C12orf42: variants seen among roughly 807,000 people sequenced by gnomAD.
The protein encoded by C12orf42 is chromosome 12 open reading frame 42.
Under a neutral mutation model 21.6 loss-of-function variants are expected in C12orf42, and 25 were observed. The observed-to-expected ratio is 1.16, with a 90% CI of 0.84 to 1.62. The LOEUF is 1.62. Ranked by LOEUF, C12orf42 falls within the 40% of genes most tolerant of loss-of-function variation. C12orf42 has a pLI of 0.00. For missense variants in C12orf42, 483 were observed against 459.3 expected, an observed-to-expected ratio of 1.05 and a Z score of -0.47; for synonymous variants, 174 against 175.0, an observed-to-expected ratio of 0.99 and a Z score of 0.05.
At chr12:103,271,523 T>A (rs974970374) in intron 5 of C12orf42, among the ~76,000 whole-genome samples, 1 of 152,192 alleles carries the variant, frequency 6.6e-6, no homozygotes, top group Non-Finnish European at 1.5e-5. Flanking sequence ...TATTCCCTTT[T>A]AGCCTTAGTT....
intron 4 of C12orf42, among the ~76,000 whole-genome samples, chr12:103,295,145 A>C (rs1319160676): frequency 3.3e-5 from 5 of 152,112 alleles, no homozygotes; most frequent in Non-Finnish European, 7.4e-5. Context: ...AAAGGGTTGG[A>C]GCATTCTTCT....
At position 103,294,583 on chromosome 12, in the gene C12orf42, G is replaced by GGAAAGAAAGAAAGAAA. The variant is rs60577440; in HGVS notation, n.338-17389_338-17374dup. Among the ~76,000 whole-genome samples, 459 of 80,346 alleles carry GGAAAGAAAGAAAGAAA rather than the reference G, an allele frequency of 5.7e-3. 1 individual carries two copies. The highest frequency in any genetic ancestry group is 6.6e-3 in the Non-Finnish European group (272 of 41,194). 52.7% of individuals were successfully genotyped at this position (80,346 alleles called of 152,430 possible). A position where few individuals can be genotyped will look rare whatever the true frequency, so the allele number is the denominator to read the frequency against. ...AAAGAAAAAGAAAGGAAGGAAGGAAGGAAAGAAAGAAAGAAAGAAAGAAAG... is the reference window on the plus strand; with the variant it reads ...AAAGAAAAAGAAAGGAAGGAAGGAAGGAAAGAAAGAAAGAAAGAAAGAAAGAAAGAAAGAAAGAAAG... On this transcript the variant is annotated intron_variant and non_coding_transcript_variant, in intron 4 of 6. Transcript: ENST00000546526.
intron 2 of C12orf42, among the ~76,000 whole-genome samples, chr12:103,469,614 C>T (rs1953429019): frequency 1.3e-5 from 2 of 152,172 alleles, no homozygotes; most frequent in African/African-American, 4.8e-5. Flanking sequence ...CTATAAATAA[C>T]ATAGCAGTGA....
the C12orf42 span, among the ~76,000 whole-genome samples, chr12:103,102,589 A>T: frequency 6.6e-6 from 1 of 152,238 alleles, no homozygotes; most frequent in African/African-American, 2.4e-5. Flanking sequence ...GAAACTAAAA[A>T]CTATAGCTTC....
chr12:103,461,011 T>C (rs1214986803), intron 2 of C12orf42, among the ~76,000 whole-genome samples: 1 of 152,168 alleles, frequency 6.6e-6, no homozygotes, highest in African/African-American at 2.4e-5. Flanking sequence ...CTTAATAGCA[T>C]TCAGTTGATT....
the C12orf42 span, among the ~76,000 whole-genome samples, chr12:103,526,952 G>T: frequency 6.6e-6 from 1 of 152,152 alleles, no homozygotes. Flanking sequence ...CAAAACTTGT[G>T]CTTTCTTCAT....
At chr12:103,070,305 A>G in the C12orf42 span, among the ~76,000 whole-genome samples, 1 of 152,116 alleles carries the variant, frequency 6.6e-6, no homozygotes, top group African/African-American at 2.4e-5. Context: ...TGAGTTTGGT[A>G]AAAGCTCTAT....
the C12orf42 span, among the ~76,000 whole-genome samples, chr12:103,109,355 G>A: frequency 6.6e-5 from 10 of 152,096 alleles, no homozygotes; most frequent in East Asian, 7.7e-4. Context: ...ACGGGTGTGC[G>A]TGTGTGTGTC....
chr12:103,172,783 T>C, the C12orf42 span, among the ~76,000 whole-genome samples: 1 of 152,180 alleles, frequency 6.6e-6, no homozygotes, highest in Non-Finnish European at 1.5e-5. Context: ...AAGAAGAACA[T>C]AGTATAATAA....
chr12:103,057,221 A>G, the C12orf42 span, among the ~76,000 whole-genome samples: 1 of 150,876 alleles, frequency 6.6e-6, no homozygotes, highest in Non-Finnish European at 1.5e-5. Flanking sequence ...TCAGGGATAC[A>G]TGTGCAGAAT....
intron 4 of C12orf42, among the ~76,000 whole-genome samples, chr12:103,358,611 C>G (rs1481610722): frequency 7.3e-6 from 1 of 136,776 alleles, no homozygotes; most frequent in Non-Finnish European, 1.6e-5. Context: ...TGTTTCAAAC[C>G]AAAAAAAAAA....
chr12:103,526,642 G>A, the C12orf42 span, among the ~76,000 whole-genome samples: 4 of 152,156 alleles, frequency 2.6e-5, no homozygotes, highest in African/African-American at 7.2e-5. Flanking sequence ...ATGTGACTAT[G>A]TTTGAAGCAA....
intron 4 of C12orf42, among the ~76,000 whole-genome samples, chr12:103,325,062 C>T (rs2040546825): frequency 6.6e-6 from 1 of 152,144 alleles, no homozygotes; most frequent in Non-Finnish European, 1.5e-5. Flanking sequence ...ATTATCCAAA[C>T]AAAACAGTTG....
At chr12:103,123,989 T>A in the C12orf42 span, among the ~76,000 whole-genome samples, 2 of 151,898 alleles carry the variant, frequency 1.3e-5, no homozygotes, top group Non-Finnish European at 2.9e-5. Context: ...CTTGAAGAAG[T>A]CCAGGTTCCA....
the C12orf42 span, among the ~76,000 whole-genome samples, chr12:103,550,947 T>C: frequency 3.5e-4 from 54 of 152,152 alleles, no homozygotes; most frequent in African/African-American, 1.3e-3. Flanking sequence ...GGATTATCTA[T>C]AGTTTTCTTT....
At chr12:103,143,883 C>T in the C12orf42 span, among the ~76,000 whole-genome samples, 2 of 152,182 alleles carry the variant, frequency 1.3e-5, no homozygotes, top group Non-Finnish European at 2.9e-5. Flanking sequence ...ATTTTTATAT[C>T]TCTAGTCTCA....
the C12orf42 span, among the ~76,000 whole-genome samples, chr12:103,225,582 G>A: frequency 5.3e-5 from 8 of 152,024 alleles, no homozygotes; most frequent in South Asian, 2.1e-4. Flanking sequence ...GAAGAAGGGC[G>A]GCAATGAGAT....
the C12orf42 span, among the ~76,000 whole-genome samples, chr12:103,231,907 G>T: frequency 6.6e-6 from 1 of 152,134 alleles, no homozygotes; most frequent in South Asian, 2.1e-4. Context: ...CAAAGTGGCT[G>T]TACCCTTTTG....
At chr12:103,527,412 G>A in the C12orf42 span, among the ~76,000 whole-genome samples, 1 of 152,098 alleles carries the variant, frequency 6.6e-6, no homozygotes, top group Non-Finnish European at 1.5e-5. Context: ...AAGGAGTTTG[G>A]GTCATGGAGA....
Sources: gnomAD v4.1 joint callset for allele counts (sites outside exome capture counted in the v4.1 genomes callset) on GRCh38, gnomAD v4.1.1 for gene constraint, MANE v1.5 for transcripts, NCBI Gene and HGNC (gene_info 2026-07-23, HGNC 2026-07-21) for gene names.